Variants in CADPS2 observed in about 807,000 individuals in gnomAD.
CADPS2 encodes calcium dependent secretion activator 2.
Under a neutral mutation model 172.5 loss-of-function variants are expected in CADPS2, and 93 were observed. That is an observed-to-expected ratio of 0.54 (90% CI 0.46 to 0.64). The LOEUF (loss-of-function observed/expected upper bound fraction) is 0.64, where lower values mean the gene tolerates loss of function less well. Ranked by LOEUF, CADPS2 falls within the 30% of genes least tolerant of loss-of-function variation. CADPS2 has a pLI of 0.00. For synonymous variants in CADPS2, 546 were observed against 555.2 expected, an observed-to-expected ratio of 0.98 and a Z score of 0.23; for missense variants, 1,420 against 1,565.9, an observed-to-expected ratio of 0.91 and a Z score of 1.57.
intron 6 of CADPS2, among the ~76,000 whole-genome samples, chr7:122,592,601 A>G (rs940503113): frequency 1.3e-5 from 2 of 152,128 alleles, no homozygotes; most frequent in African/African-American, 2.4e-5. Flanking sequence ...ATGTCCATCA[A>G]TGATAGACTG....
chr7:122,354,730 A>G (rs758993153), intron 27 of CADPS2, among the ~76,000 whole-genome samples: 10 of 152,186 alleles, frequency 6.6e-5, no homozygotes, highest in Non-Finnish European at 1.3e-4. Flanking sequence ...ATTGAACAGG[A>G]CAGACTCACC....
chr7:122,713,909 A>G (rs779392116), intron 2 of CADPS2, among the ~76,000 whole-genome samples: 37 of 152,110 alleles, frequency 2.4e-4, no homozygotes, highest in Non-Finnish European at 4.1e-4. Flanking sequence ...CATAAAAACA[A>G]AAGTAAAACA....
intron 14 of CADPS2, among the ~76,000 whole-genome samples, chr7:122,461,565 C>G (rs911702953): frequency 5.9e-5 from 9 of 152,076 alleles, no homozygotes; most frequent in African/African-American, 2.2e-4. Context: ...AAAAGACTAG[C>G]ATTTGTACTG....
At chr7:122,811,323 G>A (rs982499362) in intron 1 of CADPS2, among the ~76,000 whole-genome samples, 4 of 152,064 alleles carry the variant, frequency 2.6e-5, no homozygotes, top group African/African-American at 9.7e-5. Flanking sequence ...AATCTGGAGG[G>A]GTGATTAACT....
chr7:122,431,392 G>A (rs926849927), intron 17 of CADPS2, among the ~76,000 whole-genome samples: 3 of 152,108 alleles, frequency 2.0e-5, no homozygotes, highest in African/African-American at 4.8e-5. Context: ...TATAATAAGC[G>A]CTGTGGAAGA....
At chr7:122,640,859 G>A (rs780396614) in intron 3 of CADPS2, among the ~76,000 whole-genome samples, 13 of 151,584 alleles carry the variant, frequency 8.6e-5, no homozygotes, top group Admixed American at 3.9e-4. Context: ...GCGTGAACCC[G>A]GGAGGTGGAG....
intron 2 of CADPS2, among the ~76,000 whole-genome samples, chr7:122,728,612 T>C (rs568527417): frequency 1.3e-5 from 2 of 151,924 alleles, no homozygotes; most frequent in African/African-American, 2.4e-5. Context: ...CTTTACAGTT[T>C]TGGGGGACTG....
At chr7:122,688,488 A>C (rs534370989) in intron 2 of CADPS2, among the ~76,000 whole-genome samples, 1 of 152,318 alleles carries the variant, frequency 6.6e-6, no homozygotes, top group South Asian at 2.1e-4. Context: ...AAGAAAACTC[A>C]GGGAGACATA....
chr7:122,736,453 G>A (rs578015118), intron 2 of CADPS2, among the ~76,000 whole-genome samples: 3 of 152,278 alleles, frequency 2.0e-5, no homozygotes, highest in South Asian at 4.1e-4. Flanking sequence ...GAAATCCATA[G>A]AGAAACTCCT....
chr7:122,337,286 A>C (rs1489257164), intron 28 of CADPS2, among the ~76,000 whole-genome samples: 2 of 152,216 alleles, frequency 1.3e-5, no homozygotes, highest in Non-Finnish European at 2.9e-5. Context: ...TCTGTTGTTA[A>C]TTAGCTGATT....
rs753686489 is a variant in CADPS2, at chr7:122,736,969, G to A, written c.439C>T (p.Arg147Trp). 5.8e-5 allele frequency: 93 copies of A among 1,602,802 alleles called. No individual in the cohort carries two copies. Among genetic ancestry groups the A allele is most frequent in the Non-Finnish European group, 7.0e-5 (82 of 1,170,260 alleles). The change falls in exon 2 of 30, where the codon CGG (arginine) becomes TGG (tryptophan). Residue 147 changes from arginine (R) to tryptophan (W), a missense_variant. Transcript: ENST00000449022. ...TTCAAACTTACCTCATAATAACTCC[G>A]AACTGCGTTGCAAAATGCTTCGTCA... ...VADEAFCNAV[R>W]SYYEVFLKSD...
In CADPS2 at chr7:122,451,401, A is replaced by G; in HGVS notation, c.2261T>C (p.Leu754Pro). Residue 754 changes from leucine (L) to proline (P), a missense_variant, in exon 15 of 30, where the codon CTT becomes CCT. Transcript: ENST00000449022. ...GAAATGGCTTATCTGATTTTCTAAA[A>G]GGGAAGAGAGTCTCTCTTTTATCTC... ...FEEIKERLSS[L>P]LENQISHFRY... 1 of 1,556,236 alleles carries G rather than the reference A, an allele frequency of 6.4e-7. No individual in the cohort carries two copies. The highest frequency in any genetic ancestry group is 1.3e-5 in the South Asian group (1 of 79,478).
Position 122,490,123 on chromosome 7 carries a change from G to A in CADPS2, c.1810C>T (p.Leu604=). The A allele has an allele frequency of 6.2e-7, 1 of 1,613,458 alleles. No homozygotes were observed. ...KPVPAIQTQK[L]NPKGGTLHAD... The stretch of plus-strand genomic sequence containing the variant: ...TGGAGAGTTCCTCCTTTAGGATTCA[G>A]TTTCTGGGTTTGAATTGCAGGAACT... Residue 604 remains leucine, a synonymous_variant, in exon 11 of 30, where the codon CTG becomes TTG. Transcript: ENST00000449022.
At chr7:122,676,679 A>C (rs1248945585) in intron 2 of CADPS2, 4 of 1,589,698 alleles carry the variant, frequency 2.5e-6, no homozygotes, top group Non-Finnish European at 3.4e-6. Flanking sequence ...GCCTGCTGTC[A>C]GCTGCTCAGC....
chr7:122,353,124 A>G, intron 27 of CADPS2, among the ~76,000 whole-genome samples: 1 of 152,184 alleles, frequency 6.6e-6, no homozygotes, highest in South Asian at 2.1e-4. Context: ...GTTTTTTGCC[A>G]TTAAAAGTAA....
At chr7:122,528,555 C>A (rs11769986) in intron 8 of CADPS2, among the ~76,000 whole-genome samples, 84,962 of 151,910 alleles carry the variant, frequency 0.56, 23,725 homozygotes, top group Admixed American at 0.58. Flanking sequence ...AGCCAGTAGT[C>A]ATAAAGAATC....
chr7:122,540,839 TC>T (rs2131582549), intron 8 of CADPS2, among the ~76,000 whole-genome samples: 1 of 152,268 alleles, frequency 6.6e-6, no homozygotes, highest in East Asian at 1.9e-4. Context: ...ATCACAAAGT[TC>T]CAGTTTTCAT....
At chr7:122,411,299 C>T (rs746958187) in intron 19 of CADPS2, among the ~76,000 whole-genome samples, 59 of 151,460 alleles carry the variant, frequency 3.9e-4, no homozygotes, top group Non-Finnish European at 6.3e-4. Context: ...CGGCTCACTG[C>T]AACCTCTGCC....
At position 122,585,950 on chromosome 7, in the gene CADPS2, T is replaced by C. The variant is rs2069609229; in HGVS notation, c.1224-4660A>G. 2.0e-5 allele frequency among the ~76,000 whole-genome samples: 3 copies of C among 152,032 alleles called. No individual in the cohort carries two copies. In the South Asian group the frequency reaches 6.2e-4, roughly 32 times the overall value. On this transcript the variant is annotated intron_variant, in intron 6 of 29. Coordinates refer to ENST00000449022, the MANE Select transcript of CADPS2 (RefSeq NM_017954.11). ...CTAAGGACTTATCCTATCAAAATAA[T>C]TGTAAGTATTAAAAAGAGTCTAAGC...
Sources: gnomAD v4.1 joint callset for allele counts (sites outside exome capture counted in the v4.1 genomes callset) on GRCh38, gnomAD v4.1.1 for gene constraint, MANE v1.5 for transcripts, NCBI Gene and HGNC (gene_info 2026-07-23, HGNC 2026-07-21) for gene names.